The following ASPHD2 variants were observed in gnomAD, a reference collection of about 807,000 sequenced individuals.
The protein encoded by ASPHD2 is aspartate beta-hydroxylase domain containing 2.
Under a neutral mutation model 34.6 loss-of-function variants are expected in ASPHD2, and 12 were observed. That is an observed-to-expected ratio of 0.35 (90% confidence interval 0.22 to 0.56). The LOEUF is 0.56. Among genes scored for constraint, ASPHD2 ranks in the 20% least tolerant of loss-of-function variants. The pLI is 0.87. For synonymous variants in ASPHD2, 224 were observed against 212.2 expected, an observed-to-expected ratio of 1.06 and a Z score of -0.48; for missense variants, 375 against 505.0, an observed-to-expected ratio of 0.74 and a Z score of 2.47.
rs769596988 is a variant in ASPHD2 at position 26,434,322 on chromosome 22, A to G, written c.707A>G (p.Gln236Arg). ...TGGTTCACCTTTTACTTGGTCAATC[A>G]GGGGGTTTGTGTTCCCAGGAACTGT... is the stretch of plus-strand genomic sequence containing the variant. ...GEWFTFYLVN[Q>R]GVCVPRNCRK... The change falls in exon 2 of 4, where the codon CAG becomes CGG. Residue 236 changes from glutamine to arginine, a missense_variant. Transcript: ENST00000215906. 6.2e-7 allele frequency: 1 copy of G among 1,614,142 alleles called. No homozygotes were observed. The highest frequency in any genetic ancestry group is 8.5e-7 in the Non-Finnish European group (1 of 1,180,008).
At chr22:26,435,826 G>A (rs2084789175) in intron 2 of ASPHD2, among the ~76,000 whole-genome samples, 2 of 152,234 alleles carry the variant, frequency 1.3e-5, no homozygotes. Flanking sequence ...CGGACTGGGT[G>A]GAGGCTTTGG....
At chr22:26,432,595 A>G (rs2084764213) in intron 1 of ASPHD2, among the ~76,000 whole-genome samples, 1 of 152,218 alleles carries the variant, frequency 6.6e-6, no homozygotes, top group Non-Finnish European at 1.5e-5. Context: ...CCTAACCCCC[A>G]GCTAGGTAAG....
At chr22:26,436,362 G>C (rs1485474668) in intron 2 of ASPHD2, among the ~76,000 whole-genome samples, 1 of 152,246 alleles carries the variant, frequency 6.6e-6, no homozygotes, top group African/African-American at 2.4e-5. Context: ...TGATAATCCA[G>C]GTGATGGTCA....
chr22:26,437,635 AAAG>A (rs1316576742), intron 2 of ASPHD2, among the ~76,000 whole-genome samples: 3 of 152,206 alleles, frequency 2.0e-5, no homozygotes. Context: ...AATTCTAGCT[AAAG>A]AAGCACAGTT....
chr22:26,432,066 A>T (rs2084759996), intron 1 of ASPHD2, among the ~76,000 whole-genome samples: 1 of 152,222 alleles, frequency 6.6e-6, no homozygotes, highest in South Asian at 2.1e-4. Flanking sequence ...GTGATGGCGC[A>T]TGCCTGTAAT....
rs778916081 is a variant in ASPHD2, at chr22:26,443,112, G to GC, written c.1019dup (p.Arg341ThrfsTer22). 3.1e-5 allele frequency: 50 copies of GC among 1,613,984 alleles called. No homozygotes were observed. On this transcript the variant is annotated frameshift_variant, in exon 4 of 4. Coordinates refer to ENST00000215906, the MANE Select transcript of ASPHD2 (RefSeq NM_020437.5). LOFTEE classifies it high-confidence loss of function. ...TCCCCCCCAGGTTCAGCAGAGGATGGCCCACGGGTGGTTTTCATGGTGGAT... is the reference window on the plus strand; with the variant it reads ...TCCCCCCCAGGTTCAGCAGAGGATGGCCCCACGGGTGGTTTTCATGGTGGAT...
intron 2 of ASPHD2, 98 bp downstream of exon 2, chr22:26,434,599 CT>C: frequency 7.3e-7 from 1 of 1,362,970 alleles, no homozygotes; most frequent in Non-Finnish European, 9.9e-7. Context: ...AGAATTGCGC[CT>C]TTTCGCATTG....
At chr22:26,436,092 A>G (rs2084790693) in intron 2 of ASPHD2, among the ~76,000 whole-genome samples, 3 of 152,236 alleles carry the variant, frequency 2.0e-5, no homozygotes, top group Admixed American at 2.0e-4. Flanking sequence ...GATCCATAAG[A>G]CATAGACCCT....
At chr22:26,442,320 T>C (rs2084853701) in intron 2 of ASPHD2, 139 bp from the exon 3 acceptor site, 8 of 631,484 alleles carry the variant, frequency 1.3e-5, no homozygotes, top group Middle Eastern at 5.2e-4. Context: ...CTTCAGACCA[T>C]AGCACGGGCT....
At chr22:26,442,205 C>T (rs906200365) in intron 2 of ASPHD2, among the ~76,000 whole-genome samples, 3 of 147,510 alleles carry the variant, frequency 2.0e-5, no homozygotes, top group Non-Finnish European at 4.5e-5. Flanking sequence ...CCATTAGGAC[C>T]CCACCTTCAT....
intron 2 of ASPHD2, among the ~76,000 whole-genome samples, chr22:26,437,436 T>C (rs1453234923): frequency 6.6e-6 from 1 of 152,150 alleles, no homozygotes; most frequent in Non-Finnish European, 1.5e-5. Context: ...AGAGGTGGCA[T>C]CACCTAGTCC....
intron 1 of ASPHD2, among the ~76,000 whole-genome samples, chr22:26,431,756 G>A (rs527450696): frequency 1.3e-4 from 20 of 152,278 alleles, no homozygotes; most frequent in South Asian, 4.1e-4. Context: ...CCTTTGGAAC[G>A]CTGGCTACTC....
rs780741229 is a variant in ASPHD2 at position 26,434,146 on chromosome 22, C to T, written c.531C>T (p.Pro177=). 8.7e-6 allele frequency: 14 copies of T among 1,612,176 alleles called. No individual in the cohort carries two copies. The highest frequency in any genetic ancestry group is 1.1e-5 in the Non-Finnish European group (13 of 1,179,112). ...TCCTGCCCGACCTGCCCACCACGCCCTATTTCTCCCGGGACGCACAGAAAC... is the reference window on the plus strand; with the variant it reads ...TCCTGCCCGACCTGCCCACCACGCCTTATTTCTCCCGGGACGCACAGAAAC... ...VFFLPDLPTT[P]YFSRDAQKHD... The change falls in exon 2 of 4, where the codon CCC becomes CCT. Residue 177 remains proline, a synonymous_variant. Coordinates refer to ENST00000215906, the MANE Select transcript of ASPHD2 (RefSeq NM_020437.5).
rs2084769359 is a variant in ASPHD2 at position 26,433,500 on chromosome 22, C to G, written c.-116C>G. The G allele has an allele frequency of 1.3e-6, 1 of 756,450 alleles. No homozygotes were observed. Among genetic ancestry groups the G allele is most frequent in the Admixed American group, 2.8e-5 (1 of 36,006 alleles). 46.9% of individuals were successfully genotyped at this position (756,450 alleles called of 1,614,324 possible). A position where few individuals can be genotyped will look rare whatever the true frequency, so the allele number is the denominator to read the frequency against. ...CAGTGACTTTTGCCGGAAAGTGGAGCAGTGGGCACGGCCAACCTTGTCGTT... is the reference window on the plus strand; with the variant it reads ...CAGTGACTTTTGCCGGAAAGTGGAGGAGTGGGCACGGCCAACCTTGTCGTT... On this transcript the variant is annotated 5_prime_UTR_variant, in exon 2 of 4. Coordinates refer to ENST00000215906, the MANE Select transcript of ASPHD2 (RefSeq NM_020437.5). The surrounding 1 kb of genome is among the most constrained non-coding windows in gnomAD (Gnocchi z 5.1).
intron 2 of ASPHD2, 58 bp from the exon 3 acceptor site, chr22:26,442,401 C>G (rs1158553524): frequency 9.8e-6 from 13 of 1,333,028 alleles, no homozygotes; most frequent in Non-Finnish European, 1.1e-5. Flanking sequence ...CCCCCTATCT[C>G]CTGGCCTTCC....
chr22:26,441,852 G>A (rs1024620983), intron 2 of ASPHD2, among the ~76,000 whole-genome samples: 1 of 152,166 alleles, frequency 6.6e-6, no homozygotes, highest in African/African-American at 2.4e-5. Flanking sequence ...GAACCCAGGT[G>A]GCAGAGGTTC....
intron 2 of ASPHD2, among the ~76,000 whole-genome samples, chr22:26,438,592 T>TATACATAC (rs2084813618): frequency 7.2e-6 from 1 of 138,424 alleles, no homozygotes; most frequent in African/African-American, 2.6e-5. Flanking sequence ...CATACATATA[T>TATACATAC]ATACACACAT....
rs1192540003 is a variant in ASPHD2, at chr22:26,434,370, G to A, written c.755G>A (p.Arg252His). The A allele has an allele frequency of 6.8e-6, 11 of 1,614,196 alleles. No homozygotes were observed. Among genetic ancestry groups the A allele is most frequent in the Non-Finnish European group, 9.3e-6 (11 of 1,180,048 alleles). Residue 252 changes from arginine to histidine, a missense_variant, in exon 2 of 4, where the codon CGC becomes CAC. Around this residue, in one of 3 missense-constraint regions of ASPHD2, gnomAD observed 142 missense variants for 217.9 expected, o/e 0.65. Coordinates refer to ENST00000215906, the MANE Select transcript of ASPHD2 (RefSeq NM_020437.5). Reference sequence around the variant, plus strand: ...TGTAGGAAGTGCCCACGGACGTACCGCTTGCTCGGAAGCCTTCGGACCTGT... The same window carrying A: ...TGTAGGAAGTGCCCACGGACGTACCACTTGCTCGGAAGCCTTCGGACCTGT... ...RNCRKCPRTY[R>H]LLGSLRTCIG...
At chr22:26,431,327 A>AG (rs2084754510) in intron 1 of ASPHD2, among the ~76,000 whole-genome samples, 5 of 151,732 alleles carry the variant, frequency 3.3e-5, no homozygotes, top group Admixed American at 3.3e-4. Flanking sequence ...GGAGAGAAAC[A>AG]GGGGGCTGAA....
Sources: allele counts gnomAD v4.1 joint callset (sites outside exome capture counted in the v4.1 genomes callset), GRCh38; gene constraint gnomAD v4.1.1; regional missense constraint gnomAD v4.1.1; non-coding constraint Gnocchi (gnomAD v3.1); transcripts MANE v1.5; gene names NCBI Gene and HGNC (gene_info 2026-07-23, HGNC 2026-07-21).